The following RFX7 variants were observed in gnomAD, a reference collection of about 807,000 sequenced individuals.
RFX7 encodes the protein regulatory factor X7, also known as DNA-binding protein RFX7.
RFX7 carries 26 observed loss-of-function variants against 111.8 expected under a neutral mutation model. The observed-to-expected ratio is 0.23, with a 90% CI of 0.17 to 0.32. RFX7 has a LOEUF of 0.32. Ranked by LOEUF, RFX7 falls within the 10% of genes least tolerant of loss-of-function variation. The pLI is 1.00. For synonymous variants in RFX7, 624 were observed against 624.4 expected, an observed-to-expected ratio of 1.00 and a Z score of 0.01; for missense variants, 1,573 against 1,772.9, an observed-to-expected ratio of 0.89 and a Z score of 2.02.
At chr15:56,243,037 T>TCCCCACC in intron 2 of RFX7, 88 bp downstream of exon 2, 1 of 674,254 alleles carries the variant, frequency 1.5e-6, no homozygotes, top group Non-Finnish European at 2.4e-6. Context: ...AGCCTCCTCC[T>TCCCCACC]CCGCTCCCCC....
chr15:56,162,701 C>T (rs2042736227), intron 3 of RFX7, among the ~76,000 whole-genome samples: 1 of 151,492 alleles, frequency 6.6e-6, no homozygotes, highest in African/African-American at 2.4e-5. Context: ...TACAATAACT[C>T]AAGTGTTTAA....
At position 56,103,674 on chromosome 15, in the gene RFX7, C is replaced by T. The variant is rs766766341; in HGVS notation, c.402-4G>A. The T allele has an allele frequency of 3.2e-6, 5 of 1,562,554 alleles. No individual in the cohort carries two copies. In the African/African-American group the frequency reaches 5.4e-5, roughly 17 times the overall value. ...ACCAAGATTGTCACAATAGCTCCTG[C>T]AAAAGAAGGAAGGACCAATTTAGAG... On this transcript the variant is annotated splice_region_variant and splice_polypyrimidine_tract_variant and intron_variant, in intron 5 of 9. Transcript: ENST00000559447.
At chr15:56,116,622 C>G (rs1461689462) in intron 5 of RFX7, among the ~76,000 whole-genome samples, 1 of 152,012 alleles carries the variant, frequency 6.6e-6, no homozygotes, top group Admixed American at 6.5e-5. Context: ...ATAGGTTCTC[C>G]GCAGAAGACG....
intron 2 of RFX7, among the ~76,000 whole-genome samples, chr15:56,236,826 AC>A (rs2043628694): frequency 6.6e-6 from 1 of 152,192 alleles, no homozygotes; most frequent in Non-Finnish European, 1.5e-5. Flanking sequence ...CAATCTCTCA[AC>A]CAGCAGTTAG....
At chr15:56,182,893 A>G (rs1461733949) in intron 2 of RFX7, among the ~76,000 whole-genome samples, 3 of 151,872 alleles carry the variant, frequency 2.0e-5, no homozygotes, top group Non-Finnish European at 4.4e-5. Context: ...ATTTTTTTCT[A>G]TTTTATTTTA....
chr15:56,156,949 C>G lies in RFX7; in HGVS notation c.196-12466G>C, dbSNP rs996829046. Among the ~76,000 whole-genome samples the G allele has an allele frequency of 3.3e-5, 5 of 152,298 alleles. No individual in the cohort carries two copies. The East Asian group carries it at 5.8e-4, about 18-fold the overall frequency. On this transcript the variant is annotated intron_variant, in intron 3 of 9. Transcript: ENST00000559447. ...CCAGAGTTTCTGATTCAGTAGGTCTCAAGTGGGGACCTGAAAATCTGGACT... is the reference window on the plus strand; with the variant it reads ...CCAGAGTTTCTGATTCAGTAGGTCTGAAGTGGGGACCTGAAAATCTGGACT...
At chr15:56,152,599 A>G (rs2042587978) in intron 3 of RFX7, among the ~76,000 whole-genome samples, 1 of 152,202 alleles carries the variant, frequency 6.6e-6, no homozygotes, top group Non-Finnish European at 1.5e-5. Context: ...AAGAGAAAGC[A>G]GGAAAGACCT....
intron 2 of RFX7, among the ~76,000 whole-genome samples, chr15:56,233,832 A>C (rs1238461998): frequency 1.3e-5 from 2 of 152,130 alleles, no homozygotes; most frequent in African/African-American, 4.8e-5. Context: ...TTTCTTCTCT[A>C]CTATTACTTT....
intron 3 of RFX7, among the ~76,000 whole-genome samples, chr15:56,147,858 C>A (rs548570462): frequency 6.6e-6 from 1 of 152,342 alleles, no homozygotes; most frequent in African/African-American, 2.4e-5. Flanking sequence ...CAGGCGTGAG[C>A]CACCATGCCC....
chr15:56,224,489 G>GTT (rs2043460745), intron 2 of RFX7, among the ~76,000 whole-genome samples: 1 of 151,700 alleles, frequency 6.6e-6, no homozygotes, highest in Non-Finnish European at 1.5e-5. Flanking sequence ...GTGTGTGTGT[G>GTT]TGTGTGCAGT....
At chr15:56,222,420 C>T (rs1225808988) in intron 2 of RFX7, among the ~76,000 whole-genome samples, 1 of 152,138 alleles carries the variant, frequency 6.6e-6, no homozygotes, top group African/African-American at 2.4e-5. Flanking sequence ...ATTCATAAAT[C>T]TTTCAATAAT....
Position 56,103,581 on chromosome 15 carries a change from C to T in RFX7, c.491G>A (p.Arg164His). ...MKNVFPNMKA[R>H]RLGTRGKSKY... is the part of the protein sequence containing the mutation. ...AGATTTGCCTCTTGTGCCCAAACGA[C>T]GTGCCTTCATGTTTGGAAAGACGTT... The change falls in exon 6 of 10, where the codon CGT becomes CAT. Residue 164 changes from arginine to histidine, a missense_variant. Around this residue, in one of 7 missense-constraint regions of RFX7, gnomAD observed 11 missense variants for 30.4 expected, o/e 0.36. Transcript: ENST00000559447. The T allele has an allele frequency of 6.2e-7, 1 of 1,606,982 alleles. No individual in the cohort carries two copies. Among genetic ancestry groups the T allele is most frequent in the Non-Finnish European group, 8.5e-7 (1 of 1,176,392 alleles).
chr15:56,172,300 TTGAC>T (rs1366592171), intron 3 of RFX7, among the ~76,000 whole-genome samples: 4 of 152,108 alleles, frequency 2.6e-5, no homozygotes, highest in Non-Finnish European at 4.4e-5. Flanking sequence ...TGACTAAACT[TTGAC>T]TTTCTTCTTT....
At chr15:56,196,628 C>T (rs1394271786) in intron 2 of RFX7, among the ~76,000 whole-genome samples, 2 of 151,946 alleles carry the variant, frequency 1.3e-5, no homozygotes, top group Non-Finnish European at 1.5e-5. Flanking sequence ...ATACAGCACT[C>T]GGAAGGAATC....
intron 5 of RFX7, among the ~76,000 whole-genome samples, chr15:56,125,440 G>C (rs1368323398): frequency 1.3e-5 from 2 of 152,248 alleles, no homozygotes; most frequent in Admixed American, 6.5e-5. Flanking sequence ...ACTGCTCTGG[G>C]TAGTATGGTA....
chr15:56,102,302 T>C lies in RFX7; in HGVS notation c.519-49A>G, dbSNP rs149434105. ...TATTCAAAATTAAATGAATTGCTTATACAGACAGCACTTTAAAAGTAACCA... is the reference window on the plus strand; with the variant it reads ...TATTCAAAATTAAATGAATTGCTTACACAGACAGCACTTTAAAAGTAACCA... On this transcript the variant is annotated intron_variant, in intron 6 of 9. Coordinates refer to ENST00000559447, the MANE Select transcript of RFX7 (RefSeq NM_022841.7). 279 of 1,117,184 alleles carry C rather than the reference T, an allele frequency of 2.5e-4. 1 individual carries two copies. The African/African-American group carries it at 3.8e-3, about 15-fold the overall frequency. The allele number at this position is 1,117,184 out of a possible 1,614,324, so 69.2% of individuals were successfully genotyped here.
rs763577515 is a variant in RFX7, at chr15:56,093,810, A to C, written c.3918T>G (p.Thr1306=). 4 of 1,613,868 alleles carry C rather than the reference A, an allele frequency of 2.5e-6. No homozygotes were observed. The Middle Eastern group carries it at 4.9e-4, about 199-fold the overall frequency. ...ANPQNMIDSS[T]SVYEFQTPSY... ...ATGGTGTTTGGAACTCATAAACAGAAGTGCTGGAATCGATCATATTTTGTG... is the reference window on the plus strand; with the variant it reads ...ATGGTGTTTGGAACTCATAAACAGACGTGCTGGAATCGATCATATTTTGTG... Residue 1306 remains threonine (T), a synonymous_variant, in exon 10 of 10, where the codon ACT becomes ACG. Transcript: ENST00000559447.
rs966064144 is a variant in RFX7, at chr15:56,143,117, C to T, written c.279-217G>A. Among the ~76,000 whole-genome samples, 55 of 152,084 alleles carry T rather than the reference C, an allele frequency of 3.6e-4. 1 individual carries two copies. Among genetic ancestry groups the T allele is most frequent in the Admixed American group, 3.5e-3 (54 of 15,264 alleles). On this transcript the variant is annotated intron_variant, in intron 4 of 9. Transcript: ENST00000559447. ...GTTACTGCCCTGCTCCATCCCTCCC[C>T]ATGCAGGTGATAGAGCACTGACAAA...
chr15:56,231,697 G>C (rs1395058804), intron 2 of RFX7, among the ~76,000 whole-genome samples: 1 of 152,060 alleles, frequency 6.6e-6, no homozygotes, highest in Non-Finnish European at 1.5e-5. Flanking sequence ...GTCCCTCAAA[G>C]TCTTAACTCA....
Sources: allele counts gnomAD v4.1 joint callset (sites outside exome capture counted in the v4.1 genomes callset), GRCh38; gene constraint gnomAD v4.1.1; regional missense constraint gnomAD v4.1.1; transcripts MANE v1.5; gene names NCBI Gene and HGNC (gene_info 2026-07-23, HGNC 2026-07-21).